ADK: variants seen among roughly 807,000 people sequenced by gnomAD.
ADK encodes N6,N6-dimethyladenosine kinase.
A neutral mutation model predicts 44.7 loss-of-function variants in ADK; 24 were observed. The observed-to-expected ratio is 0.54, with a 90% CI of 0.39 to 0.76. The LOEUF is 0.76. ADK is among the 30% of genes least tolerant of loss of function. The pLI is 0.00. For synonymous variants in ADK, 128 were observed against 142.6 expected (o/e 0.90, Z 0.73); for missense variants, 321 against 425.1 (o/e 0.76, Z 2.15).
At chr10:74,507,409 T>C (rs191317285) in intron 6 of ADK, among the ~76,000 whole-genome samples, 31 of 151,978 alleles carry the variant, frequency 2.0e-4, no homozygotes, top group Non-Finnish European at 3.5e-4. Flanking sequence ...GCCCAGGAGT[T>C]TGAGACCAGC....
At chr10:74,514,965 C>T (rs191607126) in intron 6 of ADK, among the ~76,000 whole-genome samples, 3 of 152,280 alleles carry the variant, frequency 2.0e-5, no homozygotes, top group Admixed American at 6.5e-5. Flanking sequence ...GCTGGAACTA[C>T]AGACACTCAC....
At chr10:74,620,811 A>T (rs1169095028) in intron 9 of ADK, among the ~76,000 whole-genome samples, 1 of 150,544 alleles carries the variant, frequency 6.6e-6, no homozygotes, top group Non-Finnish European at 1.5e-5. Flanking sequence ...CTTTTTTCCC[A>T]TTTTTTTGGC....
At chr10:74,257,656 G>A (rs1845877127) in intron 3 of ADK, among the ~76,000 whole-genome samples, 2 of 151,952 alleles carry the variant, frequency 1.3e-5, no homozygotes, top group Non-Finnish European at 2.9e-5. Flanking sequence ...TATGAATAAT[G>A]AGTAAAAATT....
chr10:74,295,476 AT>A (rs1312438742), intron 3 of ADK, among the ~76,000 whole-genome samples: 72 of 132,270 alleles, frequency 5.4e-4, no homozygotes, highest in African/African-American at 7.4e-4. Context: ...AAAAAAAAAA[AT>A]TTTTTTAAAT....
chr10:74,374,983 A>C (rs1842774863), intron 4 of ADK, among the ~76,000 whole-genome samples: 1 of 152,018 alleles, frequency 6.6e-6, no homozygotes, highest in African/African-American at 2.4e-5. Flanking sequence ...ACTTCTCATG[A>C]CTTTATTTGT....
intron 2 of ADK, among the ~76,000 whole-genome samples, chr10:74,216,372 TCCTTCTCTG>T (rs1342386205): frequency 6.6e-6 from 1 of 152,256 alleles, no homozygotes; most frequent in Middle Eastern, 3.4e-3. Flanking sequence ...ATTTTTTTTC[TCCTTCTCTG>T]CCTTCAAAAT....
At chr10:74,232,286 A>T (rs578241694) in intron 3 of ADK, among the ~76,000 whole-genome samples, 1 of 152,254 alleles carries the variant, frequency 6.6e-6, no homozygotes, top group Non-Finnish European at 1.5e-5. Flanking sequence ...TGGGAGGCTG[A>T]GGCAGGTAGA....
At chr10:74,374,021 G>A (rs1439728473) in intron 4 of ADK, among the ~76,000 whole-genome samples, 4 of 152,124 alleles carry the variant, frequency 2.6e-5, no homozygotes, top group African/African-American at 7.2e-5. Flanking sequence ...AATGAAGGAA[G>A]CCAGTCATAA....
intron 7 of ADK, among the ~76,000 whole-genome samples, chr10:74,538,021 C>T (rs1182584407): frequency 2.0e-5 from 3 of 152,086 alleles, no homozygotes; most frequent in South Asian, 2.1e-4. Context: ...CTTTGGGAGA[C>T]CAAGGTGGGC....
chr10:74,182,555 GATGGGGTTTC>G (rs1293726836), intron 1 of ADK, among the ~76,000 whole-genome samples: 1 of 152,020 alleles, frequency 6.6e-6, no homozygotes, highest in East Asian at 1.9e-4. Context: ...TTTTAGTAGA[GATGGGGTTTC>G]ATCGTATTGG....
chr10:74,708,764 G>T lies in ADK; in HGVS notation c.*319G>T. On this transcript the variant is annotated 3_prime_UTR_variant, in exon 11 of 11. Transcript: ENST00000539909. ...TCGTGTGTATTTAGTACACTGATTT[G>T]TTTTTTTACATTTCTGCTTTGAATG... The T allele has an allele frequency of 1.2e-5, 3 of 242,652 alleles. No homozygotes were observed. The highest frequency in any genetic ancestry group is 1.1e-4 in the East Asian group (1 of 8,852). 15.0% of individuals were successfully genotyped at this position (242,652 alleles called of 1,614,324 possible).
chr10:74,700,403 C>T lies in ADK; in HGVS notation c.965-7918C>T, dbSNP rs555211474. Among the ~76,000 whole-genome samples the T allele has an allele frequency of 4.6e-5, 7 of 152,166 alleles. No homozygotes were observed. In the South Asian group the frequency reaches 6.2e-4, roughly 14 times the overall value. Reference sequence around the variant, plus strand: ...GATTACAGGCACCCGCCACCACACCCGGCTAATTTTTGTATTTTTAGTAGA... The same window carrying T: ...GATTACAGGCACCCGCCACCACACCTGGCTAATTTTTGTATTTTTAGTAGA... On this transcript the variant is annotated intron_variant, in intron 10 of 10. Transcript: ENST00000539909.
chr10:74,627,640 T>C (rs2134048124), intron 9 of ADK, among the ~76,000 whole-genome samples: 1 of 152,242 alleles, frequency 6.6e-6, no homozygotes, highest in South Asian at 2.1e-4. Flanking sequence ...GTATTTTGTT[T>C]TGTTTTCTGA....
intron 6 of ADK, among the ~76,000 whole-genome samples, chr10:74,474,273 A>C (rs1226833986): frequency 6.6e-6 from 1 of 151,676 alleles, no homozygotes; most frequent in Admixed American, 6.6e-5. Context: ...CCAATTAACT[A>C]ATTCTTTTTT....
At chr10:74,583,486 A>G (rs1851436107) in intron 7 of ADK, among the ~76,000 whole-genome samples, 1 of 152,228 alleles carries the variant, frequency 6.6e-6, no homozygotes, top group South Asian at 2.1e-4. Flanking sequence ...ATACAAAGCC[A>G]TTTAGATAGC....
chr10:74,487,084 G>T (rs751693947), intron 6 of ADK, among the ~76,000 whole-genome samples: 1 of 151,998 alleles, frequency 6.6e-6, no homozygotes, highest in Non-Finnish European at 1.5e-5. Context: ...CATTCATAAA[G>T]CAGTCTTGTA....
intron 8 of ADK, among the ~76,000 whole-genome samples, chr10:74,595,708 T>TC (rs1851895663): frequency 1.6e-5 from 2 of 122,402 alleles, no homozygotes; most frequent in African/African-American, 3.1e-5. Context: ...AAAAATAGGC[T>TC]ATATGGCCGG....
At chr10:74,523,182 T>A (rs1005333007) in intron 6 of ADK, among the ~76,000 whole-genome samples, 1 of 152,154 alleles carries the variant, frequency 6.6e-6, no homozygotes, top group Non-Finnish European at 1.5e-5. Flanking sequence ...AATAACTGAG[T>A]TGCTGTATAG....
intron 8 of ADK, among the ~76,000 whole-genome samples, chr10:74,597,759 G>T (rs1271915494): frequency 2.0e-5 from 3 of 152,106 alleles, no homozygotes; most frequent in Non-Finnish European, 4.4e-5. Flanking sequence ...CTAGGTTTAG[G>T]TGGTGTTTGC....
Sources: gnomAD v4.1 joint callset for allele counts (sites outside exome capture counted in the v4.1 genomes callset) on GRCh38, gnomAD v4.1.1 for gene constraint, MANE v1.5 for transcripts, NCBI Gene and HGNC (gene_info 2026-07-23, HGNC 2026-07-21) for gene names.